TRIM77: variants seen among roughly 807,000 people sequenced by gnomAD.
TRIM77 encodes tripartite motif containing 77.
Under a neutral mutation model 31.8 loss-of-function variants are expected in TRIM77, and 23 were observed. That is an observed-to-expected ratio of 0.72 (90% confidence interval 0.52 to 1.02). The LOEUF (loss-of-function observed/expected upper bound fraction) is 1.02, where lower values mean the gene tolerates loss of function less well. Ranked by LOEUF, TRIM77 falls within the 50% of genes least tolerant of loss-of-function variation. TRIM77 has a pLI of 0.00. For synonymous variants in TRIM77, 159 were observed against 183.1 expected (o/e 0.87, Z 1.06); for missense variants, 446 against 539.2 (o/e 0.83, Z 1.71).
chr11:89,713,441 CTG>C (rs1949137460), intron 2 of TRIM77, among the ~76,000 whole-genome samples: 1 of 139,678 alleles, frequency 7.2e-6, no homozygotes, highest in Non-Finnish European at 1.5e-5. Flanking sequence ...GGGTGACAAA[CTG>C]AGACCTTGTC....
intron 1 of TRIM77, 64 bp from the exon 2 acceptor site, chr11:89,711,346 G>T: frequency 2.5e-6 from 2 of 790,714 alleles, no homozygotes; most frequent in Non-Finnish European, 2.0e-6. Flanking sequence ...TACCTCTTTT[G>T]GTAGTATCTG....
rs1220962088 is a variant in TRIM77 at position 89,714,425 on chromosome 11, A to G, written c.738+3A>G. On this transcript the variant is annotated splice_donor_region_variant and intron_variant, in intron 3 of 5. Transcript: ENST00000398290. ...AAGCAGATGTGAACCTGCCTCAGGT[A>G]AAAACTGAAGGAGATCAGGGTGCTG... The G allele has an allele frequency of 6.5e-7, 1 of 1,547,728 alleles. No individual in the cohort carries two copies. Among genetic ancestry groups the G allele is most frequent in the Non-Finnish European group, 8.7e-7 (1 of 1,144,270 alleles).
Position 89,714,371 on chromosome 11 carries a change from G to A in TRIM77, c.687G>A (p.Met229Ile), listed in dbSNP as rs1295239870. The change falls in exon 3 of 6, where the codon ATG becomes ATA. Residue 229 changes from methionine to isoleucine, a missense_variant. Physicochemically the swap from Met to Ile is conservative, Grantham distance 10 (BLOSUM62 1). This residue lies in a region of TRIM77 where 366 missense variants were observed against 447.9 expected (regional missense o/e 0.82). Coordinates refer to ENST00000398290, the MANE Select transcript of TRIM77 (RefSeq NM_001146162.1). ...MAKMGILLRE[M>I]YEKLKEMSCK... ...AGATGGGTATACTCCTGAGAGAAAT[G>A]TATGAGAAACTGAAGGAAATGAGCT... 2 of 1,551,560 alleles carry A rather than the reference G, an allele frequency of 1.3e-6. No homozygotes were observed. The highest frequency in any genetic ancestry group is 2.4e-5 in the East Asian group (1 of 40,928).
intron 2 of TRIM77, among the ~76,000 whole-genome samples, chr11:89,712,151 A>G (rs1176397488): frequency 1.3e-5 from 2 of 152,218 alleles, no homozygotes; most frequent in Non-Finnish European, 2.9e-5. Context: ...ATTAAACAAC[A>G]TTTTTATTCT....
Position 89,711,409 on chromosome 11 carries a change from G to T in TRIM77, c.412-1G>T. ...CTCAGATTTATAGTTTTGTTTTTCA[G>T]AAGAAACTCCTGATTCAAATGAAGT... On this transcript the variant is annotated splice_acceptor_variant, in intron 1 of 5. Coordinates refer to ENST00000398290, the MANE Select transcript of TRIM77 (RefSeq NM_001146162.1). LOFTEE classifies it high-confidence loss of function. 7.0e-7 allele frequency: 1 copy of T among 1,430,178 alleles called. No individual in the cohort carries two copies. Among genetic ancestry groups the T allele is most frequent in the Non-Finnish European group, 9.4e-7 (1 of 1,064,058 alleles). The allele number at this position is 1,430,178 out of a possible 1,614,324, so 88.6% of individuals were successfully genotyped here. A position where few individuals can be genotyped will look rare whatever the true frequency, so the allele number is the denominator to read the frequency against.
chr11:89,710,733 C>A, intron 1 of TRIM77, 24 bp downstream of exon 1: 6 of 1,485,392 alleles, frequency 4.0e-6, no homozygotes, highest in Non-Finnish European at 5.4e-6. Context: ...ACTGATTGCA[C>A]TTTGAAATGT....
At position 89,710,625 on chromosome 11, in the gene TRIM77, C is replaced by T; in HGVS notation, c.327C>T (p.Ser109=). 1 of 1,551,150 alleles carries T rather than the reference C, an allele frequency of 6.4e-7. No homozygotes were observed. Among genetic ancestry groups the T allele is most frequent in the Non-Finnish European group, 8.7e-7 (1 of 1,146,682 alleles). Residue 109 remains serine, a synonymous_variant, in exon 1 of 6, where the codon AGC becomes AGT. Coordinates refer to ENST00000398290, the MANE Select transcript of TRIM77 (RefSeq NM_001146162.1). ...IKNLICETDR[S]LLCFLCSQSP... ...ACCTCATCTGTGAAACTGATAGGAG[C>T]CTGCTGTGTTTTCTATGCTCTCAAT...
rs556799638 is a variant in TRIM77 at position 89,717,624 on chromosome 11, C to T, written c.1105C>T (p.Arg369Ter). 46 of 1,551,312 alleles carry T rather than the reference C, an allele frequency of 3.0e-5. No homozygotes were observed. The African/African-American group carries it at 3.8e-4, about 13-fold the overall frequency. Residue 369 changes from arginine (R) to a stop codon, truncating the protein, a stop_gained, in exon 6 of 6, where the codon CGA (arginine) becomes TGA (stop). Coordinates refer to ENST00000398290, the MANE Select transcript of TRIM77 (RefSeq NM_001146162.1). LOFTEE classifies it low-confidence loss of function (END_TRUNC). ...REAWTKRNDM[R>*]LDSEGIFLLL... ...AGCCTGGACAAAGAGGAATGACATG[C>T]GACTTGACTCTGAGGGTATCTTTCT...
Position 89,710,684 on chromosome 11 carries a change from C to A in TRIM77, c.386C>A (p.Thr129Lys), listed in dbSNP as rs1482285062. Residue 129 changes from threonine to lysine, a missense_variant, in exon 1 of 6, where the codon ACA becomes AAA. By Grantham distance (78) the Thr-to-Lys change is moderately conservative. Around this residue, in one of 3 missense-constraint regions of TRIM77, gnomAD observed 366 missense variants for 447.9 expected, o/e 0.82. Coordinates refer to ENST00000398290, the MANE Select transcript of TRIM77 (RefSeq NM_001146162.1). Reference sequence around the variant, plus strand: ...CATGCTACTCACAAACACTATATGACAAGGGAGGCTGATGAATACTATAGG... The same window carrying A: ...CATGCTACTCACAAACACTATATGAAAAGGGAGGCTGATGAATACTATAGG... ...PRHATHKHYM[T>K]READEYYRKK... 1 of 1,546,744 alleles carries A rather than the reference C, an allele frequency of 6.5e-7. No homozygotes were observed.
rs1329512646 is a variant in TRIM77, at chr11:89,710,580, G to C, written c.282G>C (p.Arg94Ser). The change falls in exon 1 of 6, where the codon AGG becomes AGC. Residue 94 changes from arginine to serine, a missense_variant. Arg to Ser is a moderately radical substitution (Grantham distance 110, BLOSUM62 -1). This residue lies in a region of TRIM77 where 366 missense variants were observed against 447.9 expected (regional missense o/e 0.82). Coordinates refer to ENST00000398290, the MANE Select transcript of TRIM77 (RefSeq NM_001146162.1). ...QLSSSAMLIC[R>S]RHQEIKNLIC... ...CAAGCTCTGCCATGCTGATCTGTAG[G>C]AGACACCAGGAAATCAAGAACCTCA... is the stretch of plus-strand genomic sequence containing the variant. 1.3e-6 allele frequency: 2 copies of C among 1,551,664 alleles called. No individual in the cohort carries two copies. The highest frequency in any genetic ancestry group is 1.7e-6 in the Non-Finnish European group (2 of 1,146,984).
chr11:89,711,297 C>A, intron 1 of TRIM77, 113 bp from the exon 2 acceptor site: 3 of 534,408 alleles, frequency 5.6e-6, no homozygotes, highest in South Asian at 3.5e-5. Flanking sequence ...AAAGCCCCTG[C>A]ATGTCTGCAT....
At chr11:89,712,291 T>A (rs563696931) in intron 2 of TRIM77, among the ~76,000 whole-genome samples, 1 of 152,288 alleles carries the variant, frequency 6.6e-6, no homozygotes, top group African/African-American at 2.4e-5. Flanking sequence ...TCAGATGGAT[T>A]TTCTGAGGAG....
chr11:89,717,693 A>G lies in TRIM77; in HGVS notation c.1174A>G (p.Thr392Ala). The G allele has an allele frequency of 6.4e-7, 1 of 1,551,134 alleles. No homozygotes were observed. The highest frequency in any genetic ancestry group is 2.4e-5 in the East Asian group (1 of 40,904). The change falls in exon 6 of 6, where the codon ACC becomes GCC. Residue 392 changes from threonine (T) to alanine (A), a missense_variant. Physicochemically the swap from Thr to Ala is moderately conservative, Grantham distance 58. Around this residue, in one of 3 missense-constraint regions of TRIM77, gnomAD observed 366 missense variants for 447.9 expected, o/e 0.82. Transcript: ENST00000398290. ...KVDDHFSLFS[T>A]SPLLPHYIPR... ...GGATGACCATTTCAGTCTCTTCTCT[A>G]CCTCCCCACTGTTACCTCACTATAT...
rs1949168889 is a variant in TRIM77, at chr11:89,717,389, C to T, written c.870C>T (p.Thr290=). 1 of 1,548,882 alleles carries T rather than the reference C, an allele frequency of 6.5e-7. No individual in the cohort carries two copies. The part of the protein sequence containing the change: ...ERLNFFRVYI[T]LDRKICSNHK... ...TTTCTTTTGCCATAGTGTATATCAC[C>T]TTGGATCGTAAGATATGCAGTAATC... Residue 290 remains threonine (T), a synonymous_variant, in exon 6 of 6, where the codon ACC becomes ACT. Transcript: ENST00000398290.
chr11:89,716,131 A>C, intron 5 of TRIM77, 144 bp downstream of exon 5: 1 of 445,442 alleles, frequency 2.2e-6, no homozygotes, highest in Non-Finnish European at 3.9e-6. Flanking sequence ...TTTATAACCA[A>C]TTTTAAAACT....
At chr11:89,712,112 G>T (rs1480504175) in intron 2 of TRIM77, among the ~76,000 whole-genome samples, 2 of 152,104 alleles carry the variant, frequency 1.3e-5, no homozygotes, top group African/African-American at 4.8e-5. Flanking sequence ...TCACAAATAT[G>T]AATTAAGTAC....
chr11:89,714,505 A>G (rs1949147830), intron 3 of TRIM77, 83 bp downstream of exon 3: 1 of 994,540 alleles, frequency 1.0e-6, no homozygotes, highest in South Asian at 1.7e-5. Flanking sequence ...TTTTTGATCT[A>G]TATTACTTTT....
rs1949156854 is a variant in TRIM77, at chr11:89,715,808, G to T, written c.762-82G>T. The T allele has an allele frequency of 7.1e-6, 6 of 850,622 alleles. No individual in the cohort carries two copies. The East Asian group carries it at 1.6e-4, about 23-fold the overall frequency. 52.7% of individuals were successfully genotyped at this position (850,622 alleles called of 1,614,324 possible). On this transcript the variant is annotated intron_variant, in intron 4 of 5. Coordinates refer to ENST00000398290, the MANE Select transcript of TRIM77 (RefSeq NM_001146162.1). ...TCACACTCTTCAACCTAATTGTGAG[G>T]ATTCTGATCAAGCATCTTATTAGTG... is the stretch of plus-strand genomic sequence containing the variant.
In TRIM77 at chr11:89,717,828, T is replaced by G; in HGVS notation, c.1309T>G (p.Phe437Val). 10 of 1,549,484 alleles carry G rather than the reference T, an allele frequency of 6.5e-6. No homozygotes were observed. Among genetic ancestry groups the G allele is most frequent in the Non-Finnish European group, 7.0e-6 (8 of 1,145,874 alleles). ...CATTTGTAGTTTCCTCTCACGCATCTTCTATTTTCCTCTCAGACCTTTCAT... is the reference window on the plus strand; with the variant it reads ...CATTTGTAGTTTCCTCTCACGCATCGTCTATTTTCCTCTCAGACCTTTCAT... ...SLICSFLSRI[F>V]YFPLRPFICH... Residue 437 changes from phenylalanine (F) to valine (V), a missense_variant, in exon 6 of 6, where the codon TTC becomes GTC. Phe to Val is a conservative substitution (Grantham distance 50). This residue lies in a region of TRIM77 where 366 missense variants were observed against 447.9 expected (regional missense o/e 0.82). Transcript: ENST00000398290.
Sources: gnomAD v4.1 joint callset for allele counts (sites outside exome capture counted in the v4.1 genomes callset) on GRCh38, gnomAD v4.1.1 for gene constraint, gnomAD v4.1.1 regional missense constraint, MANE v1.5 for transcripts, NCBI Gene and HGNC (gene_info 2026-07-23, HGNC 2026-07-21) for gene names.